Variants in UGGT2 observed in about 807,000 individuals in gnomAD.
UGGT2 encodes the protein UDP-glucose:glycoprotein glucosyltransferase 2.
UGGT2 carries 180 observed loss-of-function variants against 192.1 expected under a neutral mutation model. The ratio of observed to expected loss-of-function variants is 0.94; its 90% CI spans 0.83 to 1.06. The LOEUF (loss-of-function observed/expected upper bound fraction) is 1.06. UGGT2 is among the 50% of genes least tolerant of loss of function. The probability of loss-of-function intolerance (pLI) is 0.00; values close to 1 mark genes in which losing one functional copy is unlikely to be tolerated. For missense variants in UGGT2, 1,849 were observed against 1,795.7 expected (o/e 1.03, Z -0.54); for synonymous variants, 580 against 591.0 (o/e 0.98, Z 0.27).
chr13:95,838,820 A>G (rs1328139300), intron 36 of UGGT2, among the ~76,000 whole-genome samples: 1 of 152,108 alleles, frequency 6.6e-6, no homozygotes, highest in Non-Finnish European at 1.5e-5. Flanking sequence ...ATGGTTATAT[A>G]CTAGACCAAG....
At chr13:95,909,799 T>TAAA (rs1172371428) in intron 20 of UGGT2, among the ~76,000 whole-genome samples, 28,633 of 75,962 alleles carry the variant, frequency 0.38, 5,941 homozygotes, top group Non-Finnish European at 0.46. Context: ...TCCTGCCCAC[T>TAAA]AAAAAAAAAA....
In UGGT2 at chr13:95,863,744, T is replaced by C. The variant is rs111579345; in HGVS notation, c.3559-30A>G. ...ATAGCATGGCAAAAAAGATTAGAAT[T>C]TGGCTGCTTTAAATATTGTGCTGTA... On this transcript the variant is annotated intron_variant, in intron 30 of 38. Transcript: ENST00000376747. The C allele has an allele frequency of 2.0e-4, 309 of 1,561,458 alleles. 1 individual carries two copies. The Middle Eastern group carries it at 3.5e-3, about 18-fold the overall frequency.
At chr13:95,905,704 G>T (rs1479754099) in intron 20 of UGGT2, among the ~76,000 whole-genome samples, 1 of 152,152 alleles carries the variant, frequency 6.6e-6, no homozygotes, top group Non-Finnish European at 1.5e-5. Flanking sequence ...CTGTAGCCTT[G>T]TAGTATAGTT....
intron 12 of UGGT2, among the ~76,000 whole-genome samples, chr13:95,957,931 T>TA (rs1015537429): frequency 3.3e-5 from 5 of 152,202 alleles, no homozygotes; most frequent in African/African-American, 1.2e-4. Flanking sequence ...CTATTGAGAT[T>TA]AAAGACAAAG....
chr13:95,963,806 A>G (rs1451132277), intron 12 of UGGT2, among the ~76,000 whole-genome samples: 4 of 152,168 alleles, frequency 2.6e-5, no homozygotes, highest in Non-Finnish European at 4.4e-5. Context: ...AATACTTAGG[A>G]ATTAATTTAA....
chr13:95,969,962 G>A (rs2050717561), intron 12 of UGGT2, 150 bp downstream of exon 12: 1 of 660,566 alleles, frequency 1.5e-6, no homozygotes, highest in East Asian at 3.0e-5. Context: ...GCAAGTGGGA[G>A]AGGAGATGGG....
At chr13:95,825,342 G>T (rs552242315) in intron 38 of UGGT2, among the ~76,000 whole-genome samples, 3 of 152,240 alleles carry the variant, frequency 2.0e-5, no homozygotes, top group African/African-American at 7.2e-5. Flanking sequence ...CTTGATGAAG[G>T]TGGCTGAGGG....
At chr13:95,806,761 G>A (rs1884326998) in intron 38 of UGGT2, among the ~76,000 whole-genome samples, 1 of 152,080 alleles carries the variant, frequency 6.6e-6, no homozygotes, top group South Asian at 2.1e-4. Context: ...ATTCTGACAA[G>A]GGTGTTCAGA....
chr13:95,802,811 T>G (rs2082402977), intron 38 of UGGT2, among the ~76,000 whole-genome samples: 1 of 144,828 alleles, frequency 6.9e-6, no homozygotes, highest in Admixed American at 7.0e-5. Flanking sequence ...TTAGCTATCC[T>G]TTTTTGTTTG....
At chr13:95,930,283 G>A (rs901536680) in intron 17 of UGGT2, among the ~76,000 whole-genome samples, 22 of 152,188 alleles carry the variant, frequency 1.4e-4, no homozygotes, top group Admixed American at 9.2e-4. Context: ...GGTCCCACTC[G>A]TCAAATTTTT....
At chr13:95,984,471 G>A (rs1201221982) in intron 9 of UGGT2, among the ~76,000 whole-genome samples, 3 of 152,012 alleles carry the variant, frequency 2.0e-5, no homozygotes, top group Non-Finnish European at 4.4e-5. Context: ...TAGGACTACA[G>A]GTACACACCA....
intron 32 of UGGT2, 30 bp from the exon 33 acceptor site, chr13:95,859,705 C>A: frequency 6.7e-7 from 1 of 1,481,828 alleles, no homozygotes. Context: ...ACCCAATATA[C>A]ATTAACAGTA....
chr13:95,914,460 G>C (rs2048612543), intron 20 of UGGT2, among the ~76,000 whole-genome samples: 1 of 151,766 alleles, frequency 6.6e-6, no homozygotes, highest in African/African-American at 2.4e-5. Flanking sequence ...TTGATATATA[G>C]AAAGGATAAT....
At chr13:95,916,685 C>T (rs908323094) in intron 20 of UGGT2, among the ~76,000 whole-genome samples, 7 of 152,074 alleles carry the variant, frequency 4.6e-5, no homozygotes, top group Admixed American at 1.3e-4. Context: ...TAAACGAGAA[C>T]AATCAGTTTA....
chr13:95,996,270 G>C, intron 6 of UGGT2, 135 bp from the exon 7 acceptor site: 2 of 692,902 alleles, frequency 2.9e-6, no homozygotes, highest in Non-Finnish European at 5.0e-6. Context: ...GGGAGGCCGA[G>C]GTGGGTAAAT....
chr13:95,807,715 C>CTTTTTTTTTTT (rs200081851), intron 38 of UGGT2, among the ~76,000 whole-genome samples: 2 of 48,040 alleles, frequency 4.2e-5, no homozygotes, highest in Non-Finnish European at 4.2e-5. Flanking sequence ...TCAGCCCTCA[C>CTTTTTTTTTTT]CTTTTTTTTT....
intron 38 of UGGT2, among the ~76,000 whole-genome samples, chr13:95,825,872 G>C (rs1885986383): frequency 6.6e-6 from 1 of 152,116 alleles, no homozygotes; most frequent in Non-Finnish European, 1.5e-5. Flanking sequence ...TTGCTCCCTT[G>C]ATGTGGTGCT....
intron 38 of UGGT2, among the ~76,000 whole-genome samples, chr13:95,814,606 C>T (rs1461206818): frequency 1.3e-5 from 2 of 152,184 alleles, no homozygotes; most frequent in African/African-American, 4.8e-5. Flanking sequence ...TCATGTCCTT[C>T]TCACATTATA....
chr13:95,926,490 A>C (rs1026547528), intron 19 of UGGT2, among the ~76,000 whole-genome samples: 1 of 152,156 alleles, frequency 6.6e-6, no homozygotes, highest in African/African-American at 2.4e-5. Context: ...AAACAAAACA[A>C]AGCAAAGCAA....
Sources: allele counts gnomAD v4.1 joint callset (sites outside exome capture counted in the v4.1 genomes callset), GRCh38; gene constraint gnomAD v4.1.1; transcripts MANE v1.5; gene names NCBI Gene and HGNC (gene_info 2026-07-23, HGNC 2026-07-21).